Variants in GATAD2A observed in about 807,000 individuals in gnomAD.
GATAD2A encodes GATA zinc finger domain containing 2A, also known as transcriptional repressor p66-alpha.
Under a neutral mutation model 68.5 loss-of-function variants are expected in GATAD2A, and 12 were observed. The ratio of observed to expected loss-of-function variants is 0.18; its 90% CI spans 0.11 to 0.28. GATAD2A has a LOEUF of 0.28. GATAD2A is among the 10% of genes least tolerant of loss of function. The pLI is 1.00. For missense variants in GATAD2A, 755 were observed against 868.5 expected (o/e 0.87, Z 1.64); for synonymous variants, 410 against 375.3 (o/e 1.09, Z -1.07).
At chr19:19,460,256 G>A (rs2057310484) in intron 1 of GATAD2A, among the ~76,000 whole-genome samples, 2 of 152,196 alleles carry the variant, frequency 1.3e-5, no homozygotes, top group South Asian at 2.1e-4. Flanking sequence ...AGAGTAGACA[G>A]GGGTTCTGGG....
chr19:19,414,693 C>T (rs1346888767), intron 1 of GATAD2A, among the ~76,000 whole-genome samples: 1 of 149,084 alleles, frequency 6.7e-6, no homozygotes, highest in African/African-American at 2.5e-5. Flanking sequence ...CACGCCACCA[C>T]GCCCAGCTCT....
At chr19:19,457,714 C>T (rs1254153804) in intron 1 of GATAD2A, among the ~76,000 whole-genome samples, 1 of 150,950 alleles carries the variant, frequency 6.6e-6, no homozygotes, top group African/African-American at 2.4e-5. Context: ...GCACTCCAGC[C>T]TGGGCAACAG....
intron 2 of GATAD2A, among the ~76,000 whole-genome samples, chr19:19,480,372 T>C (rs1167056208): frequency 6.6e-6 from 1 of 152,272 alleles, no homozygotes; most frequent in East Asian, 1.9e-4. Context: ...GGGAAGTTGT[T>C]GAGCTCACAG....
intron 1 of GATAD2A, among the ~76,000 whole-genome samples, chr19:19,455,212 G>A (rs1385916095): frequency 6.6e-6 from 1 of 151,550 alleles, no homozygotes; most frequent in Non-Finnish European, 1.5e-5. Flanking sequence ...TTTGGGGGCT[G>A]GGCACGGTGA....
At chr19:19,491,314 T>C (rs529359092) in intron 2 of GATAD2A, among the ~76,000 whole-genome samples, 1 of 152,302 alleles carries the variant, frequency 6.6e-6, no homozygotes, top group East Asian at 1.9e-4. Flanking sequence ...TGTCCCCTGG[T>C]GCTTCCCAAC....
At chr19:19,466,828 C>T (rs772942795) in intron 2 of GATAD2A, among the ~76,000 whole-genome samples, 1 of 152,194 alleles carries the variant, frequency 6.6e-6, no homozygotes, top group Non-Finnish European at 1.5e-5. Flanking sequence ...ACTATAGGTC[C>T]AAGTCTCCTT....
At chr19:19,422,805 G>T (rs562162614) in intron 1 of GATAD2A, among the ~76,000 whole-genome samples, 1 of 151,058 alleles carries the variant, frequency 6.6e-6, no homozygotes, top group African/African-American at 2.4e-5. Context: ...TCCGCCTCCC[G>T]GGTTCATGCC....
chr19:19,487,943 G>A (rs1232981048), intron 2 of GATAD2A, among the ~76,000 whole-genome samples: 4 of 152,280 alleles, frequency 2.6e-5, no homozygotes, highest in Admixed American at 6.5e-5. Flanking sequence ...AGTGGGAAAT[G>A]GTTCTGTGGC....
chr19:19,434,485 T>C (rs1291104039), intron 1 of GATAD2A, among the ~76,000 whole-genome samples: 2 of 152,200 alleles, frequency 1.3e-5, no homozygotes, highest in African/African-American at 4.8e-5. Flanking sequence ...CAAGTTCTCC[T>C]GTGGGAGTGT....
At chr19:19,440,310 G>A (rs1021756372) in intron 1 of GATAD2A, 3 of 208,532 alleles carry the variant, frequency 1.4e-5, no homozygotes, top group Admixed American at 6.0e-5. Context: ...TTGCTCTGTC[G>A]CCCAGGCTGG....
intron 2 of GATAD2A, among the ~76,000 whole-genome samples, chr19:19,476,699 G>T (rs1010841929): frequency 6.6e-6 from 1 of 152,198 alleles, no homozygotes; most frequent in African/African-American, 2.4e-5. Context: ...CAGGCCTTGG[G>T]GGTCTCTGTG....
intron 1 of GATAD2A, among the ~76,000 whole-genome samples, chr19:19,436,475 C>T (rs1023549816): frequency 1.3e-5 from 2 of 152,362 alleles, no homozygotes; most frequent in East Asian, 1.9e-4. Flanking sequence ...TAAGATGAGC[C>T]TGTCCTCTCT....
chr19:19,450,300 A>G (rs1171378410), intron 1 of GATAD2A, among the ~76,000 whole-genome samples: 3 of 152,196 alleles, frequency 2.0e-5, no homozygotes, highest in African/African-American at 7.2e-5. Context: ...CTGGGTTGTC[A>G]CATGTGCCCT....
intron 1 of GATAD2A, among the ~76,000 whole-genome samples, chr19:19,432,374 T>G (rs1568279564): frequency 1.3e-5 from 2 of 152,226 alleles, no homozygotes; most frequent in Admixed American, 1.3e-4. Context: ...CAATTTCAGC[T>G]CACTGCAACC....
intron 1 of GATAD2A, among the ~76,000 whole-genome samples, chr19:19,454,731 C>CCCCCT (rs542074920): frequency 7.9e-6 from 1 of 126,798 alleles, no homozygotes; most frequent in African/African-American, 2.9e-5. Flanking sequence ...CCACTGTGCC[C>CCCCCT]CCCCCCACCC....
At chr19:19,504,412 C>T (rs773826514) in intron 11 of GATAD2A, among the ~76,000 whole-genome samples, 1 of 152,186 alleles carries the variant, frequency 6.6e-6, no homozygotes, top group Non-Finnish European at 1.5e-5. Flanking sequence ...CCCAGTGTCT[C>T]CCCTTCACTT....
rs1042677162 is a variant in GATAD2A, at chr19:19,508,887, A to G, written c.*3413A>G. On this transcript the variant is annotated 3_prime_UTR_variant, in exon 12 of 12. Coordinates refer to ENST00000683918, the MANE Select transcript of GATAD2A (RefSeq NM_001384528.1). ...GTGGCTATACGTTGTATCACGAGGA[A>G]GTTTTAGACTCTGAAGGATAATAAA... The G allele has an allele frequency of 1.3e-5, 2 of 152,178 alleles. No individual in the cohort carries two copies. The highest frequency in any genetic ancestry group is 1.9e-4 in the East Asian group (1 of 5,202). The allele number at this position is 152,178 out of a possible 1,614,324, so 9.4% of individuals were successfully genotyped here. A position where few individuals can be genotyped will look rare whatever the true frequency, so the allele number is the denominator to read the frequency against.
chr19:19,462,463 G>A (rs891682773), intron 1 of GATAD2A, among the ~76,000 whole-genome samples: 5 of 152,352 alleles, frequency 3.3e-5, no homozygotes, highest in East Asian at 3.9e-4. Flanking sequence ...GCCCCGCCCC[G>A]CAGTGGCCTG....
chr19:19,454,976 C>T (rs764830199), intron 1 of GATAD2A, among the ~76,000 whole-genome samples: 11 of 152,182 alleles, frequency 7.2e-5, no homozygotes, highest in Non-Finnish European at 1.2e-4. Flanking sequence ...GTTTAATTCG[C>T]AGACACGCCC....
Sources: allele counts gnomAD v4.1 joint callset (sites outside exome capture counted in the v4.1 genomes callset), GRCh38; gene constraint gnomAD v4.1.1; transcripts MANE v1.5; gene names NCBI Gene and HGNC (gene_info 2026-07-23, HGNC 2026-07-21).